MED26: variants seen among roughly 807,000 people sequenced by gnomAD.
MED26 encodes mediator of RNA polymerase II transcription subunit 26.
A neutral mutation model predicts 43.7 loss-of-function variants in MED26; 7 were observed. That is an observed-to-expected ratio of 0.16 (90% CI 0.09 to 0.30). The LOEUF (loss-of-function observed/expected upper bound fraction) is 0.30. Ranked by LOEUF, MED26 falls within the 10% of genes least tolerant of loss-of-function variation. The pLI is 1.00. For synonymous variants in MED26, 375 were observed against 371.1 expected (o/e 1.01, Z -0.12); for missense variants, 784 against 840.6 (o/e 0.93, Z 0.83).
Position 16,575,245 on chromosome 19 carries a change from G to A in MED26, c.*782C>T, listed in dbSNP as rs2085986436. The A allele has an allele frequency of 6.6e-6, 1 of 152,538 alleles. No individual in the cohort carries two copies. Among genetic ancestry groups the A allele is most frequent in the Admixed American group, 6.5e-5 (1 of 15,274 alleles). 9.4% of individuals were successfully genotyped at this position (152,538 alleles called of 1,614,324 possible). ...AGGTGAAGTTTTCTAGATGTGTACAGGAAGGGAAAAAAGAAAAGGGAGGAA... is the reference window on the plus strand; with the variant it reads ...AGGTGAAGTTTTCTAGATGTGTACAAGAAGGGAAAAAAGAAAAGGGAGGAA... On this transcript the variant is annotated 3_prime_UTR_variant, in exon 3 of 3. Transcript: ENST00000263390.
intron 1 of MED26, among the ~76,000 whole-genome samples, chr19:16,605,471 G>A (rs2086168320): frequency 6.6e-6 from 1 of 152,220 alleles, no homozygotes. Context: ...ATGGAAAGGG[G>A]AAATGGATAG....
rs1278761061 is a variant in MED26, at chr19:16,628,121, G to A, written c.-178C>T. ...GAGCCGGGGCCGGGTCTCGGTCCCG[G>A]GCCGCCGCCGCCACCAAAGGAGGAG... On this transcript the variant is annotated 5_prime_UTR_variant, in exon 1 of 3. Coordinates refer to ENST00000263390, the MANE Select transcript of MED26 (RefSeq NM_004831.5). 1 of 372,962 alleles carries A rather than the reference G, an allele frequency of 2.7e-6. No individual in the cohort carries two copies. The highest frequency in any genetic ancestry group is 4.7e-6 in the Non-Finnish European group (1 of 211,410). The allele number at this position is 372,962 out of a possible 1,614,324, so 23.1% of individuals were successfully genotyped here.
At chr19:16,601,709 C>T (rs577861158) in intron 1 of MED26, among the ~76,000 whole-genome samples, 14 of 152,298 alleles carry the variant, frequency 9.2e-5, no homozygotes, top group Non-Finnish European at 1.6e-4. Context: ...GGCAAGGACC[C>T]GGGAGCAGCA....
intron 1 of MED26, among the ~76,000 whole-genome samples, chr19:16,597,150 T>C (rs2086123605): frequency 6.6e-6 from 1 of 152,180 alleles, no homozygotes. Flanking sequence ...AACTCTGGGT[T>C]CTTCTGGGAC....
chr19:16,593,326 C>T (rs1483353920), intron 1 of MED26, among the ~76,000 whole-genome samples: 1 of 152,178 alleles, frequency 6.6e-6, no homozygotes, highest in Non-Finnish European at 1.5e-5. Flanking sequence ...GGGAGCTCCT[C>T]CCCTGGTCAT....
At chr19:16,606,595 C>T (rs1356649311) in intron 1 of MED26, among the ~76,000 whole-genome samples, 1 of 152,032 alleles carries the variant, frequency 6.6e-6, no homozygotes, top group Non-Finnish European at 1.5e-5. Context: ...ACAAAAGACA[C>T]AATGAGGGAG....
At chr19:16,601,839 T>C (rs2086151099) in intron 1 of MED26, among the ~76,000 whole-genome samples, 4 of 152,210 alleles carry the variant, frequency 2.6e-5, no homozygotes. Flanking sequence ...GGTCAGACTG[T>C]CGTTTTAAAT....
At chr19:16,585,752 G>A (rs923432332) in intron 1 of MED26, among the ~76,000 whole-genome samples, 5 of 152,220 alleles carry the variant, frequency 3.3e-5, no homozygotes, top group East Asian at 1.9e-4. Context: ...GACAGGGTGC[G>A]TGGAATCACC....
chr19:16,611,022 G>C (rs2086197102), intron 1 of MED26: 1 of 152,276 alleles, frequency 6.6e-6, no homozygotes, highest in African/African-American at 2.4e-5. Context: ...TCTATTCTAA[G>C]GGTGATGGAA....
chr19:16,580,622 C>T (rs574310528), intron 1 of MED26, among the ~76,000 whole-genome samples: 11 of 152,232 alleles, frequency 7.2e-5, no homozygotes, highest in Admixed American at 1.3e-4. Flanking sequence ...CTGCCCTCCT[C>T]GGCCTCCCAA....
chr19:16,627,794 G>C lies in MED26; in HGVS notation c.72+78C>G, dbSNP rs982078844. 3 of 1,074,492 alleles carry C rather than the reference G, an allele frequency of 2.8e-6. No individual in the cohort carries two copies. In the African/African-American group the frequency reaches 4.9e-5, roughly 18 times the overall value. The allele number at this position is 1,074,492 out of a possible 1,614,324, so 66.6% of individuals were successfully genotyped here. A position where few individuals can be genotyped will look rare whatever the true frequency, so the allele number is the denominator to read the frequency against. On this transcript the variant is annotated intron_variant, in intron 1 of 2. Transcript: ENST00000263390. ...CGCCAGACGGGTCCCCCGAAGCCCG[G>C]TGGGCGAGGGGTACAGGAGAGGGGG...
chr19:16,619,747 C>T (rs1174385816), intron 1 of MED26, among the ~76,000 whole-genome samples: 1 of 152,190 alleles, frequency 6.6e-6, no homozygotes, highest in African/African-American at 2.4e-5. Flanking sequence ...TCAAGGCCAG[C>T]CACAGCCAAC....
chr19:16,577,469 G>A lies in MED26; in HGVS notation c.361C>T (p.Pro121Ser), dbSNP rs1331088483. The A allele has an allele frequency of 2.5e-6, 4 of 1,590,084 alleles. No homozygotes were observed. Among genetic ancestry groups the A allele is most frequent in the Non-Finnish European group, 3.4e-6 (4 of 1,165,456 alleles). ...CRPEVGAAGP[P>S]RSIHDLKSRN... The stretch of plus-strand genomic sequence containing the variant: ...CTCTTCAGGTCATGGATGCTCCTGG[G>A]TGGGCCAGCCGCCCCCACCTCCGGC... Residue 121 changes from proline (P) to serine (S), a missense_variant, in exon 3 of 3, where the codon CCC (proline) becomes TCC (serine). Pro to Ser is a moderately conservative substitution (Grantham distance 74). Coordinates refer to ENST00000263390, the MANE Select transcript of MED26 (RefSeq NM_004831.5). The surrounding 1 kb of genome is among the most constrained non-coding windows in gnomAD (Gnocchi z 8.1).
At chr19:16,592,889 C>T (rs1488964528) in intron 1 of MED26, among the ~76,000 whole-genome samples, 1 of 152,192 alleles carries the variant, frequency 6.6e-6, no homozygotes, top group Non-Finnish European at 1.5e-5. Flanking sequence ...GTTCCAAAGG[C>T]GGCATCACTC....
Position 16,576,450 on chromosome 19 carries a change from G to A in MED26, c.1380C>T (p.Asp460=). The A allele has an allele frequency of 6.2e-7, 1 of 1,614,160 alleles. No individual in the cohort carries two copies. The highest frequency in any genetic ancestry group is 8.5e-7 in the Non-Finnish European group (1 of 1,180,024). ...GGAGGCTGGCCTTGGCCTCCTGCTT[G>A]TCCAGCTCTGTCCTGGACTGCTGCT... is the stretch of plus-strand genomic sequence containing the variant. ...HMEQQSRTEL[D]KQEAKASLQS... Residue 460 remains aspartate (D), a synonymous_variant, in exon 3 of 3, where the codon GAC becomes GAT. Coordinates refer to ENST00000263390, the MANE Select transcript of MED26 (RefSeq NM_004831.5). This position sits in a 1 kb window ranked among gnomAD's most constrained non-coding sequence, Gnocchi z 6.8.
chr19:16,616,864 A>AC (rs796203973), intron 1 of MED26, among the ~76,000 whole-genome samples: 22 of 151,994 alleles, frequency 1.4e-4, no homozygotes, highest in African/African-American at 5.3e-4. Context: ...GTAGGCAGAC[A>AC]CCCCCCCACT....
chr19:16,618,100 A>G (rs2086234200), intron 1 of MED26, among the ~76,000 whole-genome samples: 1 of 152,204 alleles, frequency 6.6e-6, no homozygotes, highest in African/African-American at 2.4e-5. Context: ...GTTTCCGGTT[A>G]CCCAGAGGGG....
intron 1 of MED26, chr19:16,588,579 C>T (rs1309192228): frequency 6.6e-6 from 1 of 152,330 alleles, no homozygotes; most frequent in African/African-American, 2.4e-5. Context: ...TGACTGGAGC[C>T]CAGTTCCTCC....
At chr19:16,579,020 G>A (rs978352291) in intron 1 of MED26, among the ~76,000 whole-genome samples, 12 of 152,172 alleles carry the variant, frequency 7.9e-5, no homozygotes, top group Non-Finnish European at 8.8e-5. Context: ...AGAACCACTT[G>A]AACCCGGGAG....
Sources: allele counts gnomAD v4.1 joint callset (sites outside exome capture counted in the v4.1 genomes callset), GRCh38; gene constraint gnomAD v4.1.1; non-coding constraint Gnocchi (gnomAD v3.1); transcripts MANE v1.5; gene names NCBI Gene and HGNC (gene_info 2026-07-23, HGNC 2026-07-21).